MICU1: variants seen among roughly 807,000 people sequenced by gnomAD.
The protein encoded by MICU1 is calcium uptake protein 1, mitochondrial.
A neutral mutation model predicts 56.8 loss-of-function variants in MICU1; 45 were observed. The ratio of observed to expected loss-of-function variants is 0.79; its 90% CI spans 0.62 to 1.02. The LOEUF is 1.02. MICU1 is among the 50% of genes least tolerant of loss of function. MICU1 has a pLI of 0.00. For synonymous variants in MICU1, 186 were observed against 195.1 expected (o/e 0.95, Z 0.39); for missense variants, 504 against 587.1 (o/e 0.86, Z 1.46).
intron 7 of MICU1, 129 bp downstream of exon 7, chr10:72,477,045 G>T (rs1317141481): frequency 1.1e-5 from 6 of 566,544 alleles, no homozygotes; most frequent in Non-Finnish European, 1.8e-5. Context: ...TTTGAGAAAT[G>T]ACATTTTAGG....
At chr10:72,529,204 C>T (rs1320189403) in intron 5 of MICU1, among the ~76,000 whole-genome samples, 1 of 151,930 alleles carries the variant, frequency 6.6e-6, no homozygotes, top group Non-Finnish European at 1.5e-5. Flanking sequence ...ATTTTTTCTT[C>T]CAAGTTTGAG....
At chr10:72,415,395 C>T (rs1863952441) in intron 9 of MICU1, among the ~76,000 whole-genome samples, 1 of 152,140 alleles carries the variant, frequency 6.6e-6, no homozygotes, top group Non-Finnish European at 1.5e-5. Context: ...CCCTGTGCTA[C>T]ATGTGGCCCA....
At chr10:72,566,041 T>C (rs1840426846) in intron 2 of MICU1, among the ~76,000 whole-genome samples, 1 of 82,022 alleles carries the variant, frequency 1.2e-5, no homozygotes, top group South Asian at 5.1e-4. Context: ...TTCATTTTCT[T>C]TTTTTTTTTT....
intron 3 of MICU1, among the ~76,000 whole-genome samples, chr10:72,555,096 A>G (rs1399143181): frequency 6.6e-6 from 1 of 152,224 alleles, no homozygotes; most frequent in Non-Finnish European, 1.5e-5. Flanking sequence ...CAATAAAACT[A>G]GACTCGTGAG....
chr10:72,560,797 G>C (rs571010343), intron 3 of MICU1, among the ~76,000 whole-genome samples: 1 of 152,116 alleles, frequency 6.6e-6, no homozygotes, highest in African/African-American at 2.4e-5. Flanking sequence ...TTGAATCCAG[G>C]AGGCAGAGGT....
chr10:72,409,899 T>C (rs1297648215), intron 9 of MICU1, among the ~76,000 whole-genome samples: 2 of 152,178 alleles, frequency 1.3e-5, no homozygotes, highest in Admixed American at 6.5e-5. Flanking sequence ...CAGACTATTA[T>C]CATCATCTCA....
rs1554872385 is a variant in MICU1 at position 72,448,121 on chromosome 10, A to ATATG, written c.934-24751_934-24750insCATA. 1.2e-3 allele frequency among the ~76,000 whole-genome samples: 147 copies of ATATG among 121,804 alleles called. 2 individuals are homozygous for ATATG. The East Asian group carries it at 0.02, about 16-fold the overall frequency. The allele number at this position is 121,804 out of a possible 152,430, so 79.9% of individuals were successfully genotyped here. ...GGCACCATGGAAAAAGTTTATATAT[A>ATATG]TGTGTGTGTGTGTGTGTGTGTGTGT... is the stretch of plus-strand genomic sequence containing the variant. On this transcript the variant is annotated intron_variant, in intron 8 of 11. Transcript: ENST00000361114.
At chr10:72,569,238 T>TATA (rs1554890955) in intron 1 of MICU1, among the ~76,000 whole-genome samples, 7 of 29,780 alleles carry the variant, frequency 2.4e-4, no homozygotes, top group African/African-American at 4.2e-4. Context: ...TATATATATA[T>TATA]TTTTTTTTTT....
At chr10:72,578,328 G>A (rs113346165) in intron 1 of MICU1, among the ~76,000 whole-genome samples, 3,828 of 151,996 alleles carry the variant, frequency 0.025, 170 homozygotes, top group African/African-American at 0.088. Context: ...CATGATCTTG[G>A]CTCACAGCAA....
chr10:72,463,761 T>C (rs1865706771), intron 8 of MICU1, among the ~76,000 whole-genome samples: 1 of 152,178 alleles, frequency 6.6e-6, no homozygotes, highest in Non-Finnish European at 1.5e-5. Flanking sequence ...ACCCTAAGTG[T>C]ACAGTGTATA....
intron 10 of MICU1, among the ~76,000 whole-genome samples, chr10:72,404,732 C>T (rs1863572062): frequency 6.6e-6 from 1 of 152,124 alleles, no homozygotes; most frequent in East Asian, 1.9e-4. Context: ...AAAACACAAA[C>T]CTTACATATT....
At chr10:72,441,679 C>T (rs779212180) in intron 8 of MICU1, among the ~76,000 whole-genome samples, 8 of 129,046 alleles carry the variant, frequency 6.2e-5, no homozygotes, top group Admixed American at 1.8e-4. Flanking sequence ...TGCAGTGGTA[C>T]GATCTAGGCT....
chr10:72,477,562 A>G, intron 6 of MICU1: 2 of 1,534,614 alleles, frequency 1.3e-6, no homozygotes, highest in Non-Finnish European at 1.7e-6. Flanking sequence ...TTCTTAGCTT[A>G]GTAATATTAA....
intron 6 of MICU1, among the ~76,000 whole-genome samples, chr10:72,494,277 A>T (rs1159689356): frequency 6.6e-6 from 1 of 152,200 alleles, no homozygotes. Flanking sequence ...TTTCTGGTCC[A>T]TAGACAGTCA....
At chr10:72,564,060 G>T (rs529212131) in intron 2 of MICU1, among the ~76,000 whole-genome samples, 1 of 152,220 alleles carries the variant, frequency 6.6e-6, no homozygotes, top group Non-Finnish European at 1.5e-5. Flanking sequence ...TTGCTGCAAT[G>T]ATATAATACT....
At chr10:72,466,160 A>G (rs1009206283) in intron 8 of MICU1, among the ~76,000 whole-genome samples, 1 of 152,150 alleles carries the variant, frequency 6.6e-6, no homozygotes, top group Admixed American at 6.6e-5. Flanking sequence ...GCACTCCAAC[A>G]CTGCAACAGT....
intron 11 of MICU1, among the ~76,000 whole-genome samples, chr10:72,369,201 A>G (rs770455321): frequency 9.9e-5 from 15 of 151,576 alleles, no homozygotes; most frequent in Non-Finnish European, 2.1e-4. Context: ...TCGCTTGATT[A>G]CCACCCGGTG....
At position 72,368,259 on chromosome 10, in the gene MICU1, A is replaced by C; in HGVS notation, c.1367T>G (p.Leu456Arg). 2.5e-6 allele frequency: 4 copies of C among 1,614,010 alleles called. No homozygotes were observed. Among genetic ancestry groups the C allele is most frequent in the East Asian group, 2.2e-5 (1 of 44,888 alleles). Residue 456 changes from leucine (L) to arginine (R), a missense_variant, in exon 12 of 12, where the codon CTC becomes CGC. Coordinates refer to ENST00000361114, the MANE Select transcript of MICU1 (RefSeq NM_001195518.2). ...EKPKDMGFTR[L>R]MQAMWKCAQE... ...TGCACATTTCCACATGGCCTGCATG[A>C]GGCGAGTGAAACCCATGTCTTTGGG... is the stretch of plus-strand genomic sequence containing the variant.
chr10:72,368,048 A>G lies in MICU1; in HGVS notation c.*147T>C. 5.0e-6 allele frequency: 4 copies of G among 793,694 alleles called. No individual in the cohort carries two copies. The highest frequency in any genetic ancestry group is 5.9e-6 in the Non-Finnish European group (3 of 512,352). The allele number at this position is 793,694 out of a possible 1,614,324, so 49.2% of individuals were successfully genotyped here. ...GCAGAACACGGGGACGGGGAAGGGT[A>G]AAGAGGGGAAACCGACAGAGTCCTG... is the stretch of plus-strand genomic sequence containing the variant. On this transcript the variant is annotated 3_prime_UTR_variant, in exon 12 of 12. Transcript: ENST00000361114.
Sources: allele counts gnomAD v4.1 joint callset (sites outside exome capture counted in the v4.1 genomes callset), GRCh38; gene constraint gnomAD v4.1.1; transcripts MANE v1.5; gene names NCBI Gene and HGNC (gene_info 2026-07-23, HGNC 2026-07-21).